MMP3: variants seen among roughly 807,000 people sequenced by gnomAD.
MMP3 encodes matrix metallopeptidase 3.
In MMP3, 46 loss-of-function variants were observed where a neutral mutation model predicts 47.3. That is an observed-to-expected ratio of 0.97 (90% confidence interval 0.77 to 1.24). The LOEUF (loss-of-function observed/expected upper bound fraction) is 1.24. Ranked by LOEUF, MMP3 falls within the 50% of genes most tolerant of loss-of-function variation. The probability of loss-of-function intolerance (pLI) is 0.00; values close to 1 mark genes in which losing one functional copy is unlikely to be tolerated. For synonymous variants in MMP3, 216 were observed against 206.5 expected, an observed-to-expected ratio of 1.05 and a Z score of -0.39; for missense variants, 558 against 565.5, an observed-to-expected ratio of 0.99 and a Z score of 0.13.
At chr11:102,838,104 CA>C (rs1367936670) in intron 8 of MMP3, among the ~76,000 whole-genome samples, 2 of 152,140 alleles carry the variant, frequency 1.3e-5, no homozygotes, top group Admixed American at 6.5e-5. Context: ...AAAACAAACA[CA>C]CAATGAGACA....
At chr11:102,840,041 T>G in intron 6 of MMP3, 67 bp downstream of exon 6, 1 of 1,482,672 alleles carries the variant, frequency 6.7e-7, no homozygotes, top group Non-Finnish European at 9.1e-7. Context: ...CTATCAAGTT[T>G]CTGCGTGTTT....
chr11:102,843,568 C>G lies in MMP3; in HGVS notation c.-22G>C. 1 of 1,592,822 alleles carries G rather than the reference C, an allele frequency of 6.3e-7. No homozygotes were observed. Among genetic ancestry groups the G allele is most frequent in the East Asian group, 2.2e-5 (1 of 44,598 alleles). ...TCATTTCCACTGGCTTTACTTAGCT[C>G]TATGTTGTCTCTATGCCTTGCTGTC... On this transcript the variant is annotated 5_prime_UTR_variant, in exon 1 of 10. Transcript: ENST00000299855.
intron 7 of MMP3, 65 bp downstream of exon 7, chr11:102,839,045 G>A (rs1858940612): frequency 6.5e-7 from 1 of 1,545,484 alleles, no homozygotes; most frequent in African/African-American, 1.4e-5. Context: ...AAATTAAAGT[G>A]TTGTTCAATT....
intron 4 of MMP3, 114 bp from the exon 5 acceptor site, chr11:102,840,707 C>T (rs1283087672): frequency 3.8e-6 from 4 of 1,050,878 alleles, no homozygotes; most frequent in East Asian, 2.6e-5. Context: ...GGGCTTTTTA[C>T]ACCTTGTTTG....
At chr11:102,842,404 C>CTTTTTTTGTTT in intron 3 of MMP3, 27 bp downstream of exon 3, 1 of 810,714 alleles carries the variant, frequency 1.2e-6, no homozygotes, top group Non-Finnish European at 1.6e-6. Context: ...TTTTGTTTTG[C>CTTTTTTTGTTT]TTTTTTTTTT....
chr11:102,836,214 A>G lies in MMP3; in HGVS notation c.1346T>C (p.Phe449Ser). ...CTCCAACTGTGAAGATCCAGTAAAG[A>G]AATAAAAGAACCCTGCAAATACAGA... ...AVFEEFGFFY[F>S]FTGSSQLEFD... is the part of the protein sequence containing the mutation. Residue 449 changes from phenylalanine to serine, a missense_variant, in exon 10 of 10, where the codon TTC (phenylalanine) becomes TCC (serine). Transcript: ENST00000299855. This position sits in a 1 kb window ranked among gnomAD's most constrained non-coding sequence, Gnocchi z 4.6. 6.2e-7 allele frequency: 1 copy of G among 1,613,338 alleles called. No individual in the cohort carries two copies. Among genetic ancestry groups the G allele is most frequent in the Non-Finnish European group, 8.5e-7 (1 of 1,179,392 alleles).
rs1555004806 is a variant in MMP3, at chr11:102,837,712, A to G, written c.1230-311T>C. ...GTCACAAAGACATGAAAGTGTGAAC[A>G]TATATATAAAGTGAATTGAATCAAC... On this transcript the variant is annotated intron_variant, in intron 8 of 9. Transcript: ENST00000299855. This position sits in a 1 kb window ranked among gnomAD's most constrained non-coding sequence, Gnocchi z 4.4. Among the ~76,000 whole-genome samples, 1 of 152,124 alleles carries G rather than the reference A, an allele frequency of 6.6e-6. No homozygotes were observed. The highest frequency in any genetic ancestry group is 1.5e-5 in the Non-Finnish European group (1 of 68,034).
chr11:102,840,426 C>T lies in MMP3; in HGVS notation c.790+3G>A. 6.2e-7 allele frequency: 1 copy of T among 1,611,396 alleles called. No homozygotes were observed. The highest frequency in any genetic ancestry group is 8.5e-7 in the Non-Finnish European group (1 of 1,179,278). On this transcript the variant is annotated splice_donor_region_variant and intron_variant, in intron 5 of 9. Coordinates refer to ENST00000299855, the MANE Select transcript of MMP3 (RefSeq NM_002422.5). ...AATGGCTGATTTTCCCAGTGTCACT[C>T]ACCATAGAGGGACTGAATGCCATTT...
chr11:102,837,361 T>C lies in MMP3; in HGVS notation c.1270A>G (p.Lys424Glu). Residue 424 changes from lysine to glutamate, a missense_variant, in exon 9 of 10, where the codon AAG (lysine) becomes GAG (glutamate). Lys to Glu is a moderately conservative substitution (Grantham distance 56). Transcript: ENST00000299855. The surrounding 1 kb of genome is among the most constrained non-coding windows in gnomAD (Gnocchi z 4.4). ...KRNSMEPGFP[K>E]QIAEDFPGID... Reference sequence around the variant, plus strand: ...CCTGGAAAGTCTTCAGCTATTTGCTTGGGAAAGCCTGGCTCCATGGAATTT... The same window carrying C: ...CCTGGAAAGTCTTCAGCTATTTGCTCGGGAAAGCCTGGCTCCATGGAATTT... The C allele has an allele frequency of 6.2e-7, 1 of 1,613,990 alleles. No individual in the cohort carries two copies. Among genetic ancestry groups the C allele is most frequent in the Middle Eastern group, 1.6e-4 (1 of 6,062 alleles).
In MMP3 at chr11:102,842,925, ATAAGT is replaced by A; in HGVS notation, c.106-14_106-10del. ...TAGTTTTCTAGATATTTCTAACAGA[ATAAGT>A]ATAGTTTTTAGGTCACTCTTACAAT... On this transcript the variant is annotated splice_polypyrimidine_tract_variant and intron_variant, in intron 1 of 9. Transcript: ENST00000299855. The A allele has an allele frequency of 3.2e-6, 5 of 1,586,930 alleles. No homozygotes were observed. Among genetic ancestry groups the A allele is most frequent in the Non-Finnish European group, 4.3e-6 (5 of 1,164,398 alleles).
chr11:102,839,062 GA>G, intron 7 of MMP3, 47 bp downstream of exon 7: 1 of 1,585,330 alleles, frequency 6.3e-7, no homozygotes, highest in Non-Finnish European at 8.6e-7. Context: ...AATTTCTTAT[GA>G]GAGGGTTTAC....
In MMP3 at chr11:102,843,514, G is replaced by C. The variant is rs113324830; in HGVS notation, c.33C>G (p.Cys11Trp). ...ATGGATAGGCTGAGCAAACTGCCAC[G>C]CACAGCAACAGTAGGATTGGAAGAC... MKSLPILLLL[C>W]VAVCSAYPLD... Residue 11 changes from cysteine (C) to tryptophan (W), a missense_variant, in exon 1 of 10, where the codon TGC becomes TGG. Cys to Trp is a radical substitution (Grantham distance 215). Transcript: ENST00000299855. 141 of 1,613,448 alleles carry C rather than the reference G, an allele frequency of 8.7e-5. No homozygotes were observed. In the South Asian group the frequency reaches 1.4e-3, roughly 16 times the overall value.
At position 102,842,715 on chromosome 11, in the gene MMP3, A is replaced by G. The variant is rs1555005764; in HGVS notation, c.307T>C (p.Phe103Leu). The change falls in exon 2 of 10, where the codon TTT becomes CTT. Residue 103 changes from phenylalanine to leucine, a missense_variant. By Grantham distance (22) the Phe-to-Leu change is conservative. Coordinates refer to ENST00000299855, the MANE Select transcript of MMP3 (RefSeq NM_002422.5). Reference protein sequence around the residue: ...GVPDVGHFRTFPGIPKWRKTH... With the variant: ...GVPDVGHFRTLPGIPKWRKTH... ...TTCCTCCACTTCGGGATGCCAGGAA[A>G]GGTTCTGAAGTGACCAACATCAGGA... is the stretch of plus-strand genomic sequence containing the variant. The G allele has an allele frequency of 3.1e-6, 5 of 1,613,960 alleles. No individual in the cohort carries two copies. Among genetic ancestry groups the G allele is most frequent in the African/African-American group, 1.3e-5 (1 of 75,018 alleles).
chr11:102,841,952 A>C (rs1312121913), intron 4 of MMP3, among the ~76,000 whole-genome samples: 1 of 152,188 alleles, frequency 6.6e-6, no homozygotes, highest in Admixed American at 6.5e-5. Context: ...GATATTTCCT[A>C]TATTGTGCTT....
rs1858951088 is a variant in MMP3 at position 102,839,362 on chromosome 11, C to T, written c.936-119G>A. 5.9e-6 allele frequency: 7 copies of T among 1,180,732 alleles called. No individual in the cohort carries two copies. In the South Asian group the frequency reaches 9.7e-5, roughly 16 times the overall value. The allele number at this position is 1,180,732 out of a possible 1,614,324, so 73.1% of individuals were successfully genotyped here. On this transcript the variant is annotated intron_variant, in intron 6 of 9. Transcript: ENST00000299855. The stretch of plus-strand genomic sequence containing the variant: ...TTCTCTCATCTTCTAGGCTGGATGA[C>T]AGATAGAAATCAGGTATATTGCCAT...
rs200712381 is a variant in MMP3 at position 102,840,436 on chromosome 11, G to A, written c.783C>T (p.Ser261=). 88 of 1,613,814 alleles carry A rather than the reference G, an allele frequency of 5.5e-5. 1 individual carries two copies. The highest frequency in any genetic ancestry group is 2.9e-5 in the Non-Finnish European group (34 of 1,179,932). ...LSQDDINGIQ[S]LYGPPPDSPE... ...TTTCCCAGTGTCACTCACCATAGAG[G>A]GACTGAATGCCATTTATATCATCTT... The change falls in exon 5 of 10, where the codon TCC becomes TCT. Residue 261 remains serine, a synonymous_variant. Transcript: ENST00000299855.
At chr11:102,842,406 T>TTTTTTTTTTTTTTTTTTTTTTTTTTTTTC in intron 3 of MMP3, 25 bp downstream of exon 3, 1 of 447,998 alleles carries the variant, frequency 2.2e-6, no homozygotes, top group Non-Finnish European at 3.3e-6. Flanking sequence ...TTGTTTTGCT[T>TTTTTTTTTTTTTTTTTTTTTTTTTTTTTC]TTTTTTTTTT....
chr11:102,840,318 A>T (rs1858972432), intron 5 of MMP3, 66 bp from the exon 6 acceptor site: 1 of 1,591,838 alleles, frequency 6.3e-7, no homozygotes, highest in African/African-American at 1.3e-5. Flanking sequence ...CTTTCCAAAC[A>T]TTCTCACGGT....
intron 4 of MMP3, 103 bp from the exon 5 acceptor site, chr11:102,840,696 A>G (rs1858982154): frequency 6.8e-6 from 8 of 1,181,720 alleles, no homozygotes; most frequent in African/African-American, 1.6e-5. Flanking sequence ...GGAACCACAC[A>G]GGGCTTTTTA....
Sources: gnomAD v4.1 joint callset for allele counts (sites outside exome capture counted in the v4.1 genomes callset) on GRCh38, gnomAD v4.1.1 for gene constraint, Gnocchi (gnomAD v3.1) non-coding constraint, MANE v1.5 for transcripts, NCBI Gene and HGNC (gene_info 2026-07-23, HGNC 2026-07-21) for gene names.